CSMD1: variants seen among roughly 807,000 people sequenced by gnomAD.
The protein encoded by CSMD1 is CUB and sushi domain-containing protein 1.
Under a neutral mutation model 417.5 loss-of-function variants are expected in CSMD1, and 213 were observed. That is an observed-to-expected ratio of 0.51 (90% confidence interval 0.46 to 0.57). The LOEUF (loss-of-function observed/expected upper bound fraction) is 0.57, where lower values mean the gene tolerates loss of function less well. Ranked by LOEUF, CSMD1 falls within the 20% of genes least tolerant of loss-of-function variation. CSMD1 has a pLI of 0.00. For missense variants in CSMD1, 6,923 were observed against 4,529.7 expected (o/e 1.53, Z -15.17); for synonymous variants, 2,862 against 1,736.8 (o/e 1.65, Z -16.11).
At chr8:3,678,911 C>T (rs1227418294) in intron 7 of CSMD1, among the ~76,000 whole-genome samples, 1 of 152,068 alleles carries the variant, frequency 6.6e-6, no homozygotes, top group Non-Finnish European at 1.5e-5. Context: ...CAATTTTCAA[C>T]CCAGAATTTC....
At chr8:3,242,096 G>GTC (rs1185643861) in intron 26 of CSMD1, among the ~76,000 whole-genome samples, 2 of 9,728 alleles carry the variant, frequency 2.1e-4, no homozygotes, top group Non-Finnish European at 9.8e-4. Flanking sequence ...TTGGGATAAA[G>GTC]AAAAAGGAGC....
At chr8:3,887,380 G>C (rs939582372) in intron 5 of CSMD1, among the ~76,000 whole-genome samples, 3 of 152,170 alleles carry the variant, frequency 2.0e-5, no homozygotes, top group Admixed American at 6.5e-5. Flanking sequence ...CTTTCCAGAT[G>C]TATCCAAGAA....
intron 40 of CSMD1, among the ~76,000 whole-genome samples, chr8:3,148,434 G>C (rs1818981708): frequency 6.6e-6 from 1 of 152,138 alleles, no homozygotes; most frequent in African/African-American, 2.4e-5. Context: ...TATAAATTAG[G>C]AATTGAACAG....
chr8:3,867,110 AT>A (rs370734198), intron 5 of CSMD1, among the ~76,000 whole-genome samples: 54 of 152,036 alleles, frequency 3.6e-4, no homozygotes, highest in African/African-American at 1.3e-3. Context: ...TGATTGATTG[AT>A]TTTTTTTCTA....
intron 5 of CSMD1, among the ~76,000 whole-genome samples, chr8:3,798,423 T>A (rs1394435385): frequency 6.6e-6 from 1 of 151,992 alleles, no homozygotes; most frequent in Non-Finnish European, 1.5e-5. Context: ...GAGGTAAGAG[T>A]GCAGTTTCAC....
chr8:2,994,124 C>A (rs1806653333), intron 54 of CSMD1, among the ~76,000 whole-genome samples: 1 of 91,956 alleles, frequency 1.1e-5, no homozygotes, highest in East Asian at 3.3e-4. Context: ...CCAGCCTGGG[C>A]AACAGAGCAA....
At chr8:4,731,196 T>A (rs995646770) in intron 1 of CSMD1, among the ~76,000 whole-genome samples, 24 of 152,162 alleles carry the variant, frequency 1.6e-4, no homozygotes, top group African/African-American at 5.3e-4. Flanking sequence ...ATTCCACTAC[T>A]GTTTGGAAGC....
intron 5 of CSMD1, among the ~76,000 whole-genome samples, chr8:3,759,285 C>G (rs1797854543): frequency 6.6e-6 from 1 of 152,084 alleles, no homozygotes; most frequent in Admixed American, 6.6e-5. Flanking sequence ...GCCTGTTAAT[C>G]AGAATGATCT....
chr8:4,222,464 T>C (rs1801096620), intron 3 of CSMD1, among the ~76,000 whole-genome samples: 1 of 152,158 alleles, frequency 6.6e-6, no homozygotes, highest in Non-Finnish European at 1.5e-5. Context: ...ACCTGGTCCG[T>C]CATATGTTCT....
chr8:4,880,258 G>T (rs918073884), intron 1 of CSMD1, among the ~76,000 whole-genome samples: 8 of 151,926 alleles, frequency 5.3e-5, no homozygotes, highest in African/African-American at 1.9e-4. Context: ...TTCCCCAAAG[G>T]ATGGAGAAAA....
intron 17 of CSMD1, among the ~76,000 whole-genome samples, chr8:3,393,983 TATA>T (rs1206960597): frequency 3.3e-4 from 4 of 11,954 alleles, no homozygotes; most frequent in Admixed American, 1.0e-3. Context: ...GAACTTAACG[TATA>T]ATAATAATAA....
chr8:3,630,674 T>C (rs988014738), intron 7 of CSMD1, among the ~76,000 whole-genome samples: 1 of 151,850 alleles, frequency 6.6e-6, no homozygotes, highest in East Asian at 2.0e-4. Context: ...CGAGAAAAAA[T>C]GTGAGAGAAA....
At chr8:3,006,214 A>G (rs1410526977) in intron 52 of CSMD1, among the ~76,000 whole-genome samples, 3 of 151,904 alleles carry the variant, frequency 2.0e-5, no homozygotes, top group African/African-American at 7.3e-5. Flanking sequence ...CCAATTTACA[A>G]GGGATGTGAA....
At chr8:4,270,398 G>A (rs577514493) in intron 3 of CSMD1, among the ~76,000 whole-genome samples, 3 of 151,738 alleles carry the variant, frequency 2.0e-5, no homozygotes, top group South Asian at 4.2e-4. Context: ...GATCTCCCTC[G>A]GCCACACTTG....
intron 1 of CSMD1, among the ~76,000 whole-genome samples, chr8:4,651,339 A>G (rs1202706869): frequency 6.6e-6 from 1 of 152,160 alleles, no homozygotes; most frequent in African/African-American, 2.4e-5. Flanking sequence ...ATCAACCTTT[A>G]ATAGCGTTGA....
chr8:3,343,430 A>G lies in CSMD1; in HGVS notation c.3495T>C (p.Ser1165=). 6.2e-7 allele frequency: 1 copy of G among 1,613,738 alleles called. No homozygotes were observed. ...DTLKVYDGKD[S]SSRPLGTFTK... ...TGAACGTGCCCAGTGGACGTGAGGA[A>G]CTGTCTTTTCCATCATATACCTGAT... Residue 1165 remains serine (S), a synonymous_variant, in exon 23 of 70, where the codon AGT becomes AGC. Coordinates refer to ENST00000635120, the MANE Select transcript of CSMD1 (RefSeq NM_033225.6).
chr8:3,453,532 A>C (rs1164540757), intron 12 of CSMD1, among the ~76,000 whole-genome samples: 1 of 152,150 alleles, frequency 6.6e-6, no homozygotes, highest in African/African-American at 2.4e-5. Flanking sequence ...CATTGGTTTC[A>C]AAGAACATCT....
Position 3,054,697 on chromosome 8 carries a change from G to A in CSMD1, c.7475-2050C>T, listed in dbSNP as rs948701359. Among the ~76,000 whole-genome samples, 19 of 152,286 alleles carry A rather than the reference G, an allele frequency of 1.2e-4. 1 individual carries two copies. The highest frequency in any genetic ancestry group is 8.5e-4 in the Admixed American group (13 of 15,296). On this transcript the variant is annotated intron_variant, in intron 49 of 69. Transcript: ENST00000635120. ...TGTGTACATGTGTCCATGTGCGCAC[G>A]TGTGTACGTGTGTGTACATGTGTGT... is the stretch of plus-strand genomic sequence containing the variant.
At chr8:4,189,727 T>C (rs115576804) in intron 3 of CSMD1, among the ~76,000 whole-genome samples, 58 of 152,290 alleles carry the variant, frequency 3.8e-4, no homozygotes, top group African/African-American at 1.0e-3. Context: ...TTCTAATTAA[T>C]ACTTTTGACA....
Sources: gnomAD v4.1 joint callset for allele counts (sites outside exome capture counted in the v4.1 genomes callset) on GRCh38, gnomAD v4.1.1 for gene constraint, MANE v1.5 for transcripts, NCBI Gene and HGNC (gene_info 2026-07-23, HGNC 2026-07-21) for gene names.